HYI: variants seen among roughly 807,000 people sequenced by gnomAD.
HYI encodes the protein hydroxypyruvate isomerase (putative).
HYI carries 47 observed loss-of-function variants against 39.7 expected under a neutral mutation model. The observed-to-expected ratio is 1.18, with a 90% CI of 0.94 to 1.51. HYI has a LOEUF of 1.51. HYI is among the 40% of genes most tolerant of loss of function. The pLI, the probability that HYI is intolerant of heterozygous loss-of-function variation, is 0.00. For missense variants in HYI, 465 were observed against 370.3 expected (o/e 1.26, Z -2.10); for synonymous variants, 186 against 158.8 (o/e 1.17, Z -1.29).
In HYI at chr1:43,453,476, A is replaced by AT. The variant is rs755702385; in HGVS notation, c.220dup (p.Met74AsnfsTer44). On this transcript the variant is annotated frameshift_variant, in exon 2 of 8. Transcript: ENST00000372430. LOFTEE classifies it high-confidence loss of function. ...TCTCCCGGGGACGGCCCCCAGCCCCATTTCCCCCTTCTCTTGGTCTCCTGC... is the reference window on the plus strand; with the variant it reads ...TCTCCCGGGGACGGCCCCCAGCCCCATTTTCCCCCTTCTCTTGGTCTCCTGC... 26 of 1,559,270 alleles carry AT rather than the reference A, an allele frequency of 1.7e-5. No individual in the cohort carries two copies. In the South Asian group the frequency reaches 2.8e-4, roughly 17 times the overall value.
chr1:43,451,833 G>T lies in HYI; in HGVS notation c.520C>A (p.Gln174Lys). The part of the protein sequence containing the change: ...DTPQQAAAIL[Q>K]KVGRPNLQLQ... ...TGGAGGTTGGGTCTTCCTACCTTCT[G>T]TAAGATGGCTGCCGCTGTAAGAGAA... Residue 174 changes from glutamine (Q) to lysine (K), a missense_variant, in exon 5 of 8, where the codon CAG (glutamine) becomes AAG (lysine). Physicochemically the swap from Gln to Lys is moderately conservative, Grantham distance 53 (BLOSUM62 1). Transcript: ENST00000372430. 6.2e-7 allele frequency: 1 copy of T among 1,614,066 alleles called. No homozygotes were observed. The highest frequency in any genetic ancestry group is 8.5e-7 in the Non-Finnish European group (1 of 1,179,976).
In HYI at chr1:43,453,713, C is replaced by A. The variant is rs547472975; in HGVS notation, c.81G>T (p.Ala27=). ...CGACGGCCTCGAAGCCCGAGCTGCC[C>A]GCGGCCCGCACCCGCGCGGGGAGGC... ...LSGLPARVRA[A]GSSGFEAVEV... The change falls in exon 1 of 8, where the codon GCG becomes GCT. Residue 27 remains alanine (A), a synonymous_variant. Transcript: ENST00000372430. 9.9e-6 allele frequency: 14 copies of A among 1,407,064 alleles called. No homozygotes were observed. The Admixed American group carries it at 3.1e-4, about 31-fold the overall frequency. The allele number at this position is 1,407,064 out of a possible 1,614,324, so 87.2% of individuals were successfully genotyped here. A position where few individuals can be genotyped will look rare whatever the true frequency, so the allele number is the denominator to read the frequency against.
chr1:43,451,656 G>A lies in HYI; in HGVS notation c.617C>T (p.Pro206Leu). 1.2e-6 allele frequency: 2 copies of A among 1,614,118 alleles called. No homozygotes were observed. Among genetic ancestry groups the A allele is most frequent in the Non-Finnish European group, 8.5e-7 (1 of 1,180,026 alleles). The change falls in exon 6 of 8, where the codon CCC becomes CTC. Residue 206 changes from proline to leucine, a missense_variant. Pro to Leu is a moderately conservative substitution (Grantham distance 98). Transcript: ENST00000372430. ...AAGGAAGGTCCTCTCACCAACAATG[G>A]GCAGGAACTCCCGGATGTTTCCTGT... ...NLTGNIREFL[P>L]IVGHVQVAQV...
rs749145517 is a variant in HYI at position 43,451,742 on chromosome 1, GAGACCCCGC to G, written c.556-34_556-26del. 4 of 1,613,640 alleles carry G rather than the reference GAGACCCCGC, an allele frequency of 2.5e-6. No homozygotes were observed. In the East Asian group the frequency reaches 6.7e-5, roughly 27 times the overall value. On this transcript the variant is annotated intron_variant, in intron 5 of 7. Transcript: ENST00000372430. ...CCTAGGGAAGAGGATACTACATTCCGAGACCCCGCAGGCCCCGCCCTCCTTCCGATCTGC... is the reference window on the plus strand; with the variant it reads ...CCTAGGGAAGAGGATACTACATTCCGAGGCCCCGCCCTCCTTCCGATCTGC...
At position 43,453,807 on chromosome 1, in the gene HYI, G is replaced by A. The variant is rs1031983609; in HGVS notation, c.-14C>T. The A allele has an allele frequency of 4.0e-6, 5 of 1,252,222 alleles. No individual in the cohort carries two copies. Among genetic ancestry groups the A allele is most frequent in the Non-Finnish European group, 5.0e-6 (5 of 1,001,014 alleles). 77.6% of individuals were successfully genotyped at this position (1,252,222 alleles called of 1,614,324 possible). On this transcript the variant is annotated 5_prime_UTR_variant, in exon 1 of 8. Transcript: ENST00000372430. ...CAGCGGCGCCATGCCTGGGGAGGCC[G>A]GGCCGGGCGGAGTCCGCGGGATCCA...
At chr1:43,452,369 C>T (rs985177751) in intron 2 of HYI, 50 bp from the exon 3 acceptor site, 3 of 1,432,196 alleles carry the variant, frequency 2.1e-6, no homozygotes, top group Admixed American at 3.6e-5. Flanking sequence ...TCTCTCTGCA[C>T]CTCTTCCAGG....
At chr1:43,452,737 G>A in intron 2 of HYI, 1 of 676,824 alleles carries the variant, frequency 1.5e-6, no homozygotes, top group Non-Finnish European at 2.6e-6. Flanking sequence ...GACCAGTAGT[G>A]ATCCCCTCTT....
At chr1:43,451,589 G>A (rs369364440) in intron 6 of HYI, 45 bp from the exon 7 acceptor site, 4 of 1,613,586 alleles carry the variant, frequency 2.5e-6, no homozygotes, top group African/African-American at 2.7e-5. Flanking sequence ...CTCCTGCCAG[G>A]GCCTGAAGGA....
chr1:43,451,313 T>C lies in HYI; in HGVS notation c.761-2A>G, dbSNP rs758325528. The stretch of plus-strand genomic sequence containing the variant: ...AACTCAAGCCCTCTACTGTGTCTCC[T>C]GCAGGGAGAGGGAGGCCTCGGCACC... On this transcript the variant is annotated splice_acceptor_variant, in intron 7 of 7. Transcript: ENST00000372430. LOFTEE classifies it high-confidence loss of function. 4.3e-6 allele frequency: 7 copies of C among 1,613,774 alleles called. No individual in the cohort carries two copies. The South Asian group carries it at 6.6e-5, about 15-fold the overall frequency.
Position 43,453,603 on chromosome 1 carries a change from GTGT to G in HYI, c.188_190del (p.Asn63del). The G allele has an allele frequency of 6.5e-7, 1 of 1,527,686 alleles. No homozygotes were observed. Among genetic ancestry groups the G allele is most frequent in the Non-Finnish European group, 8.8e-7 (1 of 1,138,390 alleles). 94.6% of individuals were successfully genotyped at this position (1,527,686 alleles called of 1,614,324 possible). A position where few individuals can be genotyped will look rare whatever the true frequency, so the allele number is the denominator to read the frequency against. ...CCCGGCCCGCGACGCACCCGGGGGC[GTGT>G]TGATCAGTACAAGCCGCAGCCCCGC... On this transcript the variant is annotated inframe_deletion, in exon 1 of 8. Coordinates refer to ENST00000372430, the MANE Select transcript of HYI (RefSeq NM_001190880.3).
chr1:43,451,473 G>C lies in HYI; in HGVS notation c.697C>G (p.Leu233Val). 2.5e-6 allele frequency: 4 copies of C among 1,614,126 alleles called. No homozygotes were observed. Among genetic ancestry groups the C allele is most frequent in the African/African-American group, 1.3e-5 (1 of 75,062 alleles). The change falls in exon 7 of 8, where the codon CTG (leucine) becomes GTG (valine). Residue 233 changes from leucine to valine, a missense_variant. Transcript: ENST00000372430. ...SSPGELNFPY[L>V]FQLLEDEGYK... ...CCTTCATCTTCCAGCAGTTGAAACA[G>C]ATAGGGGAAATTCAGCTCTCCGGGG... is the stretch of plus-strand genomic sequence containing the variant.
rs766523517 is a variant in HYI, at chr1:43,451,852, A to C, written c.506-5T>G. On this transcript the variant is annotated splice_polypyrimidine_tract_variant and splice_region_variant and intron_variant, in intron 4 of 7. Coordinates refer to ENST00000372430, the MANE Select transcript of HYI (RefSeq NM_001190880.3). ...CCTTCTGTAAGATGGCTGCCGCTGTAAGAGAAGCCAGGGAGGGGACCGTGA... is the reference window on the plus strand; with the variant it reads ...CCTTCTGTAAGATGGCTGCCGCTGTCAGAGAAGCCAGGGAGGGGACCGTGA... The C allele has an allele frequency of 6.2e-7, 1 of 1,614,088 alleles. No homozygotes were observed. The highest frequency in any genetic ancestry group is 1.7e-5 in the Admixed American group (1 of 60,014).
At position 43,451,489 on chromosome 1, in the gene HYI, C is replaced by T; in HGVS notation, c.681G>A (p.Glu227=). 6.2e-7 allele frequency: 1 copy of T among 1,614,150 alleles called. No homozygotes were observed. Among genetic ancestry groups the T allele is most frequent in the Non-Finnish European group, 8.5e-7 (1 of 1,180,034 alleles). The stretch of plus-strand genomic sequence containing the variant: ...GTTGAAACAGATAGGGGAAATTCAG[C>T]TCTCCGGGGCTGCTGGGCTCCCCTC... ...PGRGEPSSPG[E]LNFPYLFQLL... The change falls in exon 7 of 8, where the codon GAG becomes GAA. Residue 227 remains glutamate (E), a synonymous_variant. Coordinates refer to ENST00000372430, the MANE Select transcript of HYI (RefSeq NM_001190880.3).
chr1:43,451,697 G>T lies in HYI; in HGVS notation c.576C>A (p.Ile192=). ...QLQMDIFHWQ[I]MDGNLTGNIR... is the part of the protein sequence containing the mutation. ...TGTTTCCTGTCAGGTTCCCATCCAT[G>T]ATCTGCCAGTGGAATATGTCCTAGG... Residue 192 remains isoleucine, a synonymous_variant, in exon 6 of 8, where the codon ATC becomes ATA. Transcript: ENST00000372430. The T allele has an allele frequency of 1.2e-6, 2 of 1,614,184 alleles. No homozygotes were observed. The highest frequency in any genetic ancestry group is 1.7e-6 in the Non-Finnish European group (2 of 1,180,022).
At chr1:43,452,843 T>G in intron 2 of HYI, 1 of 1,532,508 alleles carries the variant, frequency 6.5e-7, no homozygotes, top group Non-Finnish European at 8.9e-7. Context: ...TCCCCTGATC[T>G]TAGCCACATC....
intron 2 of HYI, chr1:43,453,028 T>C (rs1656610215): frequency 1.4e-6 from 2 of 1,399,348 alleles, no homozygotes; most frequent in Admixed American, 1.8e-5. Flanking sequence ...CAAGCATCAC[T>C]ACCTGTAAGC....
At chr1:43,452,818 C>T (rs1297667838) in intron 2 of HYI, 3 of 1,414,494 alleles carry the variant, frequency 2.1e-6, no homozygotes, top group South Asian at 1.2e-5. Context: ...TTGAGCCGTC[C>T]ACCTCCTCCC....
downstream of HYI, chr1:43,450,918 C>T (rs755256261): frequency 2.7e-6 from 2 of 749,146 alleles, no homozygotes; most frequent in Non-Finnish European, 4.9e-6. This position sits in a 1 kb window ranked among gnomAD's most constrained non-coding sequence, Gnocchi z 4.3. Context: ...GCTGGACATT[C>T]CCATCGAGAT....
rs1204028693 is a variant in HYI at position 43,453,715 on chromosome 1, C to T, written c.79G>A (p.Ala27Thr). The T allele has an allele frequency of 2.9e-6, 4 of 1,398,422 alleles. No individual in the cohort carries two copies. The highest frequency in any genetic ancestry group is 2.8e-6 in the Non-Finnish European group (3 of 1,087,028). The allele number at this position is 1,398,422 out of a possible 1,614,324, so 86.6% of individuals were successfully genotyped here. ...LSGLPARVRAAGSSGFEAVEV... is the reference protein window; with the variant it reads ...LSGLPARVRATGSSGFEAVEV... The stretch of plus-strand genomic sequence containing the variant: ...ACGGCCTCGAAGCCCGAGCTGCCCG[C>T]GGCCCGCACCCGCGCGGGGAGGCCG... Residue 27 changes from alanine (A) to threonine (T), a missense_variant, in exon 1 of 8, where the codon GCG becomes ACG. Transcript: ENST00000372430.
Sources: gnomAD v4.1 joint callset for allele counts on GRCh38, gnomAD v4.1.1 for gene constraint, Gnocchi (gnomAD v3.1) non-coding constraint, MANE v1.5 for transcripts, NCBI Gene and HGNC (gene_info 2026-07-23, HGNC 2026-07-21) for gene names.